RPS6KA5: variants seen among roughly 807,000 people sequenced by gnomAD.
RPS6KA5 encodes ribosomal protein S6 kinase alpha-5.
In RPS6KA5, 27 loss-of-function variants were observed where a neutral mutation model predicts 85.5. That is an observed-to-expected ratio of 0.32 (90% CI 0.23 to 0.44). The LOEUF (loss-of-function observed/expected upper bound fraction) is 0.44. Ranked by LOEUF, RPS6KA5 falls within the 20% of genes least tolerant of loss-of-function variation. The pLI is 1.00. For synonymous variants in RPS6KA5, 334 were observed against 348.2 expected, an observed-to-expected ratio of 0.96 and a Z score of 0.46; for missense variants, 811 against 980.9, an observed-to-expected ratio of 0.83 and a Z score of 2.31.
At chr14:91,024,447 T>C (rs1037502238) in intron 1 of RPS6KA5, among the ~76,000 whole-genome samples, 4 of 152,214 alleles carry the variant, frequency 2.6e-5, no homozygotes, top group African/African-American at 9.6e-5. Context: ...TCTGTTTTCC[T>C]TTTACAGTAG....
intron 12 of RPS6KA5, among the ~76,000 whole-genome samples, chr14:90,895,892 G>GA (rs959759660): frequency 2.0e-5 from 3 of 151,774 alleles, no homozygotes; most frequent in East Asian, 1.9e-4. Flanking sequence ...TCTCAAAAAA[G>GA]AAAAAAAGCA....
intron 2 of RPS6KA5, among the ~76,000 whole-genome samples, chr14:90,991,338 T>G (rs867429870): frequency 1.3e-5 from 2 of 152,128 alleles, no homozygotes; most frequent in African/African-American, 4.8e-5. Context: ...TTTCCGTTCT[T>G]AGGCCCAGAA....
In RPS6KA5 at chr14:90,866,820, C is replaced by A. The variant is rs1369975279; in HGVS notation, c.*5254G>T. ...ATTTTTCAAAACTTTAGTACTGAGG[C>A]ATTAACTGTTTATGTGACACAGCAC... On this transcript the variant is annotated 3_prime_UTR_variant, in exon 17 of 17. Coordinates refer to ENST00000614987, the MANE Select transcript of RPS6KA5 (RefSeq NM_004755.4). 1 of 152,176 alleles carries A rather than the reference C, an allele frequency of 6.6e-6. No individual in the cohort carries two copies. Among genetic ancestry groups the A allele is most frequent in the Non-Finnish European group, 1.5e-5 (1 of 68,028 alleles). 9.4% of individuals were successfully genotyped at this position (152,176 alleles called of 1,614,324 possible). A position where few individuals can be genotyped will look rare whatever the true frequency, so the allele number is the denominator to read the frequency against.
At chr14:90,918,198 T>C (rs539789398) in intron 7 of RPS6KA5, among the ~76,000 whole-genome samples, 10 of 152,342 alleles carry the variant, frequency 6.6e-5, no homozygotes, top group Middle Eastern at 3.4e-3. Context: ...CACTTGGTAT[T>C]ATCAGTCTCT....
At position 90,863,501 on chromosome 14, in the gene RPS6KA5, A is replaced by G. The variant is rs1208925263; in HGVS notation, c.*8573T>C. The stretch of plus-strand genomic sequence containing the variant: ...TAAAAATTGAAAAGGCAGAAATGAA[A>G]CTGTCATTATTTACAGACGATATAA... On this transcript the variant is annotated 3_prime_UTR_variant, in exon 17 of 17. Transcript: ENST00000614987. 3.3e-5 allele frequency: 5 copies of G among 151,666 alleles called. No homozygotes were observed. The highest frequency in any genetic ancestry group is 2.6e-4 in the Admixed American group (4 of 15,246). The allele number at this position is 151,666 out of a possible 1,614,324, so 9.4% of individuals were successfully genotyped here.
chr14:90,980,450 T>C (rs896518335), intron 2 of RPS6KA5, among the ~76,000 whole-genome samples: 11 of 152,226 alleles, frequency 7.2e-5, no homozygotes, highest in African/African-American at 2.4e-4. Flanking sequence ...TTCTTCCTAG[T>C]ACATCTGTCC....
chr14:91,042,055 T>C (rs1263789362), intron 1 of RPS6KA5, among the ~76,000 whole-genome samples: 1 of 152,178 alleles, frequency 6.6e-6, no homozygotes, highest in Non-Finnish European at 1.5e-5. Context: ...TCTGGCATGA[T>C]CCAGAGAACA....
chr14:90,985,410 A>T (rs2040015484), intron 2 of RPS6KA5, among the ~76,000 whole-genome samples: 1 of 152,272 alleles, frequency 6.6e-6, no homozygotes, highest in East Asian at 1.9e-4. Context: ...GCCAGGAATA[A>T]GAGCCATTGT....
intron 1 of RPS6KA5, among the ~76,000 whole-genome samples, chr14:91,035,847 CAAAAAAAAAA>C (rs199625173): frequency 2.0e-4 from 14 of 69,898 alleles, no homozygotes; most frequent in African/African-American, 4.7e-4. Context: ...CCCTCACCTT[CAAAAAAAAAA>C]AAAAAAAAAA....
intron 3 of RPS6KA5, among the ~76,000 whole-genome samples, chr14:90,955,097 T>C (rs1309766938): frequency 6.6e-6 from 1 of 152,200 alleles, no homozygotes; most frequent in African/African-American, 2.4e-5. Context: ...TAATTTCTAA[T>C]CTTTGTTATG....
chr14:91,056,795 A>G (rs1156821196), intron 1 of RPS6KA5, among the ~76,000 whole-genome samples: 2 of 149,388 alleles, frequency 1.3e-5, no homozygotes, highest in African/African-American at 5.1e-5. Context: ...TTGAAAGCTA[A>G]AAGTCCTAAC....
Position 90,949,619 on chromosome 14 carries a change from T to A in RPS6KA5, c.395-2069A>T, listed in dbSNP as rs574320429. On this transcript the variant is annotated intron_variant, in intron 3 of 16. Coordinates refer to ENST00000614987, the MANE Select transcript of RPS6KA5 (RefSeq NM_004755.4). Reference sequence around the variant, plus strand: ...AGTCTACTATTTAAAAAATCTAATGTACTCCTGTTTCAAATGCAACATGGC... The same window carrying A: ...AGTCTACTATTTAAAAAATCTAATGAACTCCTGTTTCAAATGCAACATGGC... Among the ~76,000 whole-genome samples, 7 of 152,302 alleles carry A rather than the reference T, an allele frequency of 4.6e-5. No homozygotes were observed. In the South Asian group the frequency reaches 1.2e-3, roughly 27 times the overall value.
chr14:91,008,088 A>G (rs1389071429), intron 1 of RPS6KA5, among the ~76,000 whole-genome samples: 3 of 152,232 alleles, frequency 2.0e-5, no homozygotes, highest in African/African-American at 7.2e-5. Flanking sequence ...TCCCACTCCT[A>G]TGGAGGAAAA....
intron 14 of RPS6KA5, among the ~76,000 whole-genome samples, chr14:90,886,014 A>G (rs996421199): frequency 6.6e-6 from 1 of 151,954 alleles, no homozygotes. Flanking sequence ...TCTGTTAAGG[A>G]TAACTTTGTG....
chr14:90,915,689 C>T (rs993178156), intron 7 of RPS6KA5, among the ~76,000 whole-genome samples: 8 of 151,808 alleles, frequency 5.3e-5, no homozygotes, highest in South Asian at 2.1e-4. Flanking sequence ...TGCCTGTAAT[C>T]GAGCAACTGG....
intron 1 of RPS6KA5, among the ~76,000 whole-genome samples, chr14:91,033,088 G>A (rs1333557265): frequency 1.3e-5 from 2 of 151,844 alleles, no homozygotes; most frequent in African/African-American, 2.4e-5. Context: ...TCGGGAGGCT[G>A]AGGCAGGAGA....
chr14:91,059,407 A>G (rs2043518917), intron 1 of RPS6KA5, among the ~76,000 whole-genome samples: 1 of 152,118 alleles, frequency 6.6e-6, no homozygotes, highest in Admixed American at 6.5e-5. Flanking sequence ...GCTCACAAAC[A>G]TATCTAGTAA....
At chr14:90,931,795 T>C (rs573149614) in intron 5 of RPS6KA5, among the ~76,000 whole-genome samples, 11 of 152,158 alleles carry the variant, frequency 7.2e-5, no homozygotes, top group African/African-American at 2.7e-4. Context: ...TGTACCTCAG[T>C]AGGAGAAAAG....
chr14:90,884,982 G>A (rs763409333), intron 14 of RPS6KA5, among the ~76,000 whole-genome samples: 1 of 152,112 alleles, frequency 6.6e-6, no homozygotes, highest in African/African-American at 2.4e-5. Flanking sequence ...GCAGGGAACA[G>A]GGGCTCACAC....
Sources: allele counts gnomAD v4.1 joint callset (sites outside exome capture counted in the v4.1 genomes callset), GRCh38; gene constraint gnomAD v4.1.1; transcripts MANE v1.5; gene names NCBI Gene and HGNC (gene_info 2026-07-23, HGNC 2026-07-21).